PHF20L1: variants seen among roughly 807,000 people sequenced by gnomAD.
The protein encoded by PHF20L1 is PHD finger protein 20-like protein 1.
A neutral mutation model predicts 125.5 loss-of-function variants in PHF20L1; 44 were observed. That is an observed-to-expected ratio of 0.35 (90% CI 0.28 to 0.45). The LOEUF (loss-of-function observed/expected upper bound fraction) is 0.45, where lower values mean the gene tolerates loss of function less well. Ranked by LOEUF, PHF20L1 falls within the 20% of genes least tolerant of loss-of-function variation. The pLI is 1.00. For missense variants in PHF20L1, 1,012 were observed against 1,217.2 expected (o/e 0.83, Z 2.51); for synonymous variants, 380 against 403.1 (o/e 0.94, Z 0.69).
At chr8:132,826,991 C>T (rs555940385) in intron 14 of PHF20L1, 2 of 151,942 alleles carry the variant, frequency 1.3e-5, no homozygotes, top group South Asian at 2.1e-4. Flanking sequence ...TTTAATTTTC[C>T]CACAGAATGT....
At chr8:132,838,785 T>C (rs916066822) in intron 17 of PHF20L1, among the ~76,000 whole-genome samples, 8 of 152,170 alleles carry the variant, frequency 5.3e-5, no homozygotes, top group African/African-American at 1.9e-4. Context: ...CATTTGTTAT[T>C]TATTCAGAAG....
chr8:132,842,917 A>G, intron 19 of PHF20L1, 42 bp downstream of exon 19: 1 of 1,540,532 alleles, frequency 6.5e-7, no homozygotes, highest in Non-Finnish European at 8.7e-7. Context: ...ACTATGAGAG[A>G]AGAACAAAGG....
Position 132,816,893 on chromosome 8 carries a change from C to G in PHF20L1, c.1189C>G (p.Pro397Ala). 1.9e-6 allele frequency: 3 copies of G among 1,610,014 alleles called. No homozygotes were observed. Among genetic ancestry groups the G allele is most frequent in the Non-Finnish European group, 2.5e-6 (3 of 1,177,112 alleles). ...CATTGAAGATCTTTTTCTAGGTCCT[C>G]CACAGCCTGTGAATCCCCCTAGACC... is the stretch of plus-strand genomic sequence containing the variant. ...SSSVINKTSP[P>A]QPVNPPRPFK... The change falls in exon 11 of 21, where the codon CCA becomes GCA. Residue 397 changes from proline to alanine, a missense_variant. By Grantham distance (27) the Pro-to-Ala change is conservative. Coordinates refer to ENST00000395386, the MANE Select transcript of PHF20L1 (RefSeq NM_016018.5).
At chr8:132,825,765 T>C (rs370428195) in intron 14 of PHF20L1, among the ~76,000 whole-genome samples, 21 of 151,984 alleles carry the variant, frequency 1.4e-4, no homozygotes, top group African/African-American at 4.8e-4. Flanking sequence ...CAACAGAATT[T>C]GGTATCAGCA....
chr8:132,835,273 A>C (rs1483346329), intron 15 of PHF20L1, among the ~76,000 whole-genome samples: 7 of 152,112 alleles, frequency 4.6e-5, no homozygotes, highest in Admixed American at 4.6e-4. Flanking sequence ...ATGATAAGCA[A>C]GTGAAGAGAT....
chr8:132,817,052 C>A lies in PHF20L1; in HGVS notation c.1348C>A (p.Gln450Lys). 1 of 1,587,322 alleles carries A rather than the reference C, an allele frequency of 6.3e-7. No homozygotes were observed. Among genetic ancestry groups the A allele is most frequent in the Non-Finnish European group, 8.6e-7 (1 of 1,167,576 alleles). ...GKVFSISSQN[Q>K]QESSVPEVPD... The stretch of plus-strand genomic sequence containing the variant: ...AGTATTCTCCATCAGTTCTCAAAAT[C>A]AGCAAGAATCTTCAGTACCAGAGGG... The change falls in exon 11 of 21, where the codon CAG (glutamine) becomes AAG (lysine). Residue 450 changes from glutamine to lysine, a missense_variant. Physicochemically the swap from Gln to Lys is moderately conservative, Grantham distance 53. This residue lies in a region of PHF20L1 where 320 missense variants were observed against 293.8 expected (regional missense o/e 1.09). Coordinates refer to ENST00000395386, the MANE Select transcript of PHF20L1 (RefSeq NM_016018.5).
chr8:132,807,149 CACATAT>C (rs1436108623), intron 8 of PHF20L1: 3 of 151,972 alleles, frequency 2.0e-5, no homozygotes, highest in African/African-American at 4.8e-5. Flanking sequence ...TCTATGTATA[CACATAT>C]ACATATATCA....
At chr8:132,822,657 T>C (rs1835731320) in intron 12 of PHF20L1, among the ~76,000 whole-genome samples, 1 of 152,060 alleles carries the variant, frequency 6.6e-6, no homozygotes, top group Non-Finnish European at 1.5e-5. Flanking sequence ...TAAGAAAATT[T>C]AATTGTATTT....
chr8:132,842,840 C>A lies in PHF20L1; in HGVS notation c.2713C>A (p.Gln905Lys). The A allele has an allele frequency of 6.2e-7, 1 of 1,611,066 alleles. No individual in the cohort carries two copies. The highest frequency in any genetic ancestry group is 8.5e-7 in the Non-Finnish European group (1 of 1,178,356). The change falls in exon 19 of 21, where the codon CAG becomes AAG. Residue 905 changes from glutamine to lysine, a missense_variant. By Grantham distance (53) the Gln-to-Lys change is moderately conservative. Transcript: ENST00000395386. ...CCACATGAGAAGTAAAAACAGTTTA[C>A]AGTACTCAGCAAAAGAACATGGAAT... ...EFHMRSKNSL[Q>K]YSAKEHGMPE...
rs79368134 is a variant in PHF20L1 at position 132,793,670 on chromosome 8, A to T, written c.84-740A>T. Among the ~76,000 whole-genome samples, 1,353 of 152,332 alleles carry T rather than the reference A, an allele frequency of 8.9e-3. 39 individuals are homozygous for T. The highest frequency in any genetic ancestry group is 0.087 in the East Asian group (450 of 5,178). On this transcript the variant is annotated intron_variant, in intron 2 of 20. Coordinates refer to ENST00000395386, the MANE Select transcript of PHF20L1 (RefSeq NM_016018.5). ...CTTGTAAAAGATTTTAAGTTAACTA[A>T]TTCCTATTTTGGAATTACAGAATTA...
intron 8 of PHF20L1, chr8:132,807,631 T>C (rs1280962513): frequency 4.7e-6 from 2 of 426,810 alleles, no homozygotes; most frequent in Non-Finnish European, 4.6e-6. Context: ...GGATGAAAAG[T>C]AGACCAAGAA....
chr8:132,801,487 A>C (rs1172567269), intron 6 of PHF20L1, among the ~76,000 whole-genome samples: 1 of 151,764 alleles, frequency 6.6e-6, no homozygotes, highest in East Asian at 1.9e-4. Flanking sequence ...ATATTCTATT[A>C]TGTTATCTAC....
At chr8:132,796,564 T>G (rs1400216575) in intron 4 of PHF20L1, among the ~76,000 whole-genome samples, 5 of 152,128 alleles carry the variant, frequency 3.3e-5, no homozygotes, top group Non-Finnish European at 7.4e-5. Flanking sequence ...CTTAATGAAT[T>G]GAAATCATGA....
At chr8:132,796,624 G>A (rs930662215) in intron 4 of PHF20L1, among the ~76,000 whole-genome samples, 4 of 152,076 alleles carry the variant, frequency 2.6e-5, no homozygotes, top group Non-Finnish European at 4.4e-5. Flanking sequence ...AAAGAGTTGA[G>A]AGACATCTCA....
chr8:132,814,668 A>C lies in PHF20L1; in HGVS notation c.962A>C (p.Lys321Thr). 6.2e-7 allele frequency: 1 copy of C among 1,603,622 alleles called. No individual in the cohort carries two copies. The highest frequency in any genetic ancestry group is 1.1e-5 in the South Asian group (1 of 87,898). ...TCACCTAAACCTCAAAGTCAGAAAAAAAATGAAGCTGACATTAGCAGTTCT... is the reference window on the plus strand; with the variant it reads ...TCACCTAAACCTCAAAGTCAGAAAACAAATGAAGCTGACATTAGCAGTTCT... The part of the protein sequence containing the change: ...AISPKPQSQK[K>T]NEADISSSAN... The change falls in exon 10 of 21, where the codon AAA (lysine) becomes ACA (threonine). Residue 321 changes from lysine to threonine, a missense_variant. Lys to Thr is a moderately conservative substitution (Grantham distance 78). This residue lies in a region of PHF20L1 where 119 missense variants were observed against 160.2 expected (regional missense o/e 0.74). Transcript: ENST00000395386.
Position 132,811,072 on chromosome 8 carries a change from G to T in PHF20L1, c.874G>T (p.Val292Phe). The T allele has an allele frequency of 6.2e-7, 1 of 1,610,680 alleles. No homozygotes were observed. Among genetic ancestry groups the T allele is most frequent in the South Asian group, 1.1e-5 (1 of 91,014 alleles). The change falls in exon 9 of 21, where the codon GTT becomes TTT. Residue 292 changes from valine (V) to phenylalanine (F), a missense_variant. By Grantham distance (50) the Val-to-Phe change is conservative (BLOSUM62 -1). Transcript: ENST00000395386. ...TGLLASKAVGVDGAEKKEDYN... is the reference protein window; with the variant it reads ...TGLLASKAVGFDGAEKKEDYN... ...TTTGTTGGCATCCAAAGCTGTTGGG[G>T]TTGATGGTGCTGAAAAAAAGGAAGA...
Position 132,804,621 on chromosome 8 carries a change from A to G in PHF20L1, c.728A>G (p.His243Arg). 6.2e-7 allele frequency: 1 copy of G among 1,605,900 alleles called. No individual in the cohort carries two copies. The highest frequency in any genetic ancestry group is 1.7e-5 in the Admixed American group (1 of 59,702). ...LPTSSETFGL[H>R]VENVPKMVFP... is the part of the protein sequence containing the mutation. ...TGTGTTCTGTTGAAAGTAGGACTTC[A>G]TGTAGAGAACGTTCCAAAGATGGTC... The change falls in exon 8 of 21, where the codon CAT (histidine) becomes CGT (arginine). Residue 243 changes from histidine (H) to arginine (R), a missense_variant. His to Arg is a conservative substitution (Grantham distance 29, BLOSUM62 0). This residue lies in a region of PHF20L1 where 134 missense variants were observed against 145.9 expected (regional missense o/e 0.92). Transcript: ENST00000395386.
intron 12 of PHF20L1, among the ~76,000 whole-genome samples, chr8:132,821,263 A>C (rs943127578): frequency 6.6e-6 from 1 of 151,950 alleles, no homozygotes; most frequent in African/African-American, 2.4e-5. Context: ...CATAGATGAG[A>C]TAGTTGGACT....
chr8:132,775,541 G>A lies in PHF20L1; in HGVS notation c.-142G>A, dbSNP rs1468104258. 2.4e-5 allele frequency: 9 copies of A among 368,730 alleles called. No homozygotes were observed. The highest frequency in any genetic ancestry group is 4.6e-5 in the Admixed American group (1 of 21,618). 22.8% of individuals were successfully genotyped at this position (368,730 alleles called of 1,614,324 possible). The stretch of plus-strand genomic sequence containing the variant: ...CTCCGCTCCTGCTCCCTCCCCGGCC[G>A]CTGCCTGGGCGGAGGCAGAGGCAGA... On this transcript the variant is annotated 5_prime_UTR_variant, in exon 1 of 21. Coordinates refer to ENST00000395386, the MANE Select transcript of PHF20L1 (RefSeq NM_016018.5).
Sources: allele counts gnomAD v4.1 joint callset (sites outside exome capture counted in the v4.1 genomes callset), GRCh38; gene constraint gnomAD v4.1.1; regional missense constraint gnomAD v4.1.1; transcripts MANE v1.5; gene names NCBI Gene and HGNC (gene_info 2026-07-23, HGNC 2026-07-21).